Variants in UMODL1 observed in about 807,000 individuals in gnomAD.
The protein encoded by UMODL1 is uromodulin like 1.
Under a neutral mutation model 136.3 loss-of-function variants are expected in UMODL1, and 128 were observed. That is an observed-to-expected ratio of 0.94 (90% CI 0.81 to 1.09). The LOEUF (loss-of-function observed/expected upper bound fraction) is 1.09. Ranked by LOEUF, UMODL1 falls within the 50% of genes least tolerant of loss-of-function variation. The probability of loss-of-function intolerance (pLI) is 0.00; values close to 1 mark genes in which losing one functional copy is unlikely to be tolerated. For missense variants in UMODL1, 1,766 were observed against 1,725.6 expected (o/e 1.02, Z -0.41); for synonymous variants, 721 against 720.0 (o/e 1.00, Z -0.02).
chr21:42,071,395 G>C lies in UMODL1; in HGVS notation c.76+3G>C. The C allele has an allele frequency of 7.6e-6, 12 of 1,584,370 alleles. No individual in the cohort carries two copies. The highest frequency in any genetic ancestry group is 1.0e-5 in the Non-Finnish European group (12 of 1,166,048). Reference sequence around the variant, plus strand: ...AAGCCAGGCCAGCGGCTTCACAGGTGAGGGGTCTGGGCTTGGCATGGGCAG... The same window carrying C: ...AAGCCAGGCCAGCGGCTTCACAGGTCAGGGGTCTGGGCTTGGCATGGGCAG... On this transcript the variant is annotated splice_donor_region_variant and intron_variant, in intron 1 of 22. Coordinates refer to ENST00000408910, the MANE Select transcript of UMODL1 (RefSeq NM_001004416.3).
intron 9 of UMODL1, 148 bp downstream of exon 9, chr21:42,104,235 A>G: frequency 1.1e-6 from 1 of 882,604 alleles, no homozygotes; most frequent in Non-Finnish European, 1.7e-6. Flanking sequence ...ACCAGGGGCC[A>G]GGGCAGTAGC....
At chr21:42,075,548 T>C (rs563909579) in intron 1 of UMODL1, among the ~76,000 whole-genome samples, 2 of 152,318 alleles carry the variant, frequency 1.3e-5, no homozygotes, top group Admixed American at 6.5e-5. Context: ...TCACTTCCCA[T>C]GTGGCAACCT....
intron 2 of UMODL1, among the ~76,000 whole-genome samples, 160 bp from the exon 3 acceptor site, chr21:42,083,924 A>G (rs1045334745): frequency 6.6e-6 from 1 of 152,208 alleles, no homozygotes; most frequent in East Asian, 1.9e-4. Context: ...ATGGCCCTCC[A>G]ATGGGGTGGG....
chr21:42,138,832 C>T (rs1413000919), intron 22 of UMODL1, among the ~76,000 whole-genome samples: 4 of 152,200 alleles, frequency 2.6e-5, no homozygotes, highest in Non-Finnish European at 5.9e-5. Flanking sequence ...GTCTCGGCCT[C>T]TCAAAGTGCT....
At chr21:42,101,311 A>G (rs1218052912) in intron 7 of UMODL1, among the ~76,000 whole-genome samples, 3 of 152,054 alleles carry the variant, frequency 2.0e-5, no homozygotes, top group Non-Finnish European at 2.9e-5. Flanking sequence ...TGAGAATCGG[A>G]GGCCACATGG....
At chr21:42,139,177 AAAGAAG>A (rs1419452361) in intron 22 of UMODL1, among the ~76,000 whole-genome samples, 1 of 152,110 alleles carries the variant, frequency 6.6e-6, no homozygotes, top group Non-Finnish European at 1.5e-5. Flanking sequence ...AATACTAATA[AAAGAAG>A]AAGAGAAGCA....
In UMODL1 at chr21:42,104,099, C is replaced by A. The variant is rs758196983; in HGVS notation, c.1519+12C>A. 6.3e-7 allele frequency: 1 copy of A among 1,596,978 alleles called. No homozygotes were observed. Among genetic ancestry groups the A allele is most frequent in the East Asian group, 2.2e-5 (1 of 44,504 alleles). ...GACACGCGTGCAAGGTATGGCCCAG[C>A]CACCCGCCCTGCTGCCTGGTGTCCT... On this transcript the variant is annotated intron_variant, in intron 9 of 22. Transcript: ENST00000408910.
At chr21:42,133,680 A>T (rs1159727610) in intron 21 of UMODL1, among the ~76,000 whole-genome samples, 1 of 152,168 alleles carries the variant, frequency 6.6e-6, no homozygotes, top group Non-Finnish European at 1.5e-5. Context: ...TTTCTGCTGG[A>T]TGTGCCCAAT....
chr21:42,075,408 C>T (rs1405683995), intron 1 of UMODL1, among the ~76,000 whole-genome samples: 4 of 152,170 alleles, frequency 2.6e-5, no homozygotes, highest in Admixed American at 6.5e-5. Flanking sequence ...TGCCACAGAG[C>T]GACCGCACTC....
intron 13 of UMODL1, among the ~76,000 whole-genome samples, chr21:42,115,483 C>G (rs1341009555): frequency 6.6e-6 from 1 of 152,218 alleles, no homozygotes; most frequent in East Asian, 1.9e-4. Flanking sequence ...TGGGACAGCC[C>G]AGTTTGCACC....
Position 42,085,230 on chromosome 21 carries a change from G to A in UMODL1, c.482-61G>A. The A allele has an allele frequency of 1.3e-6, 2 of 1,579,222 alleles. No individual in the cohort carries two copies. On this transcript the variant is annotated intron_variant, in intron 3 of 22. Coordinates refer to ENST00000408910, the MANE Select transcript of UMODL1 (RefSeq NM_001004416.3). The surrounding 1 kb of genome is among the most constrained non-coding windows in gnomAD (Gnocchi z 4.5). ...CTCTCCTGCCCCCTCTCCCACCCCA[G>A]CAGCTTTTGTGACTTCAACCTGTCC...
chr21:42,096,939 CT>C (rs1472367685), intron 6 of UMODL1, among the ~76,000 whole-genome samples: 3 of 152,216 alleles, frequency 2.0e-5, no homozygotes, highest in Non-Finnish European at 2.9e-5. Context: ...AAGGAACAGA[CT>C]TTAAGAAGCC....
chr21:42,080,522 T>C (rs1174164331), intron 2 of UMODL1, among the ~76,000 whole-genome samples: 2 of 152,240 alleles, frequency 1.3e-5, no homozygotes, highest in Admixed American at 6.5e-5. Flanking sequence ...AACGGAAGCA[T>C]GGACACACAC....
In UMODL1 at chr21:42,115,904, CA is replaced by C. The variant is rs575876005; in HGVS notation, c.2399del (p.Asn800MetfsTer20). ...ARKLIGKVRI[K>X]NVRYSESFRN... Reference sequence around the variant, plus strand: ...GGAAGCTCATTGGAAAGGTCAGAATCAAAAATGTCAGGTACTCAGAATCCTT... The same window carrying C: ...GGAAGCTCATTGGAAAGGTCAGAATCAAAATGTCAGGTACTCAGAATCCTT... On this transcript the variant is annotated frameshift_variant, in exon 14 of 23. Coordinates refer to ENST00000408910, the MANE Select transcript of UMODL1 (RefSeq NM_001004416.3). LOFTEE classifies it high-confidence loss of function. The C allele has an allele frequency of 2.1e-5, 34 of 1,613,990 alleles. No individual in the cohort carries two copies. In the Admixed American group the frequency reaches 2.7e-4, roughly 13 times the overall value.
chr21:42,077,826 C>T (rs2066313325), intron 2 of UMODL1, among the ~76,000 whole-genome samples: 1 of 152,166 alleles, frequency 6.6e-6, no homozygotes, highest in South Asian at 2.1e-4. Flanking sequence ...CATTACAAGA[C>T]CAGGACAACA....
chr21:42,096,765 T>G (rs1001832088), intron 6 of UMODL1, among the ~76,000 whole-genome samples: 2 of 152,230 alleles, frequency 1.3e-5, no homozygotes, highest in Non-Finnish European at 2.9e-5. Flanking sequence ...CTTTCCTGTT[T>G]GCAGGGCGTT....
chr21:42,127,306 G>C (rs2067072390), intron 19 of UMODL1, 64 bp downstream of exon 19: 2 of 1,460,108 alleles, frequency 1.4e-6, no homozygotes, highest in East Asian at 2.3e-5. Context: ...ACAATAGGTA[G>C]GGCTCAAGAA....
At chr21:42,077,280 T>C (rs921339238) in intron 2 of UMODL1, among the ~76,000 whole-genome samples, 3 of 151,886 alleles carry the variant, frequency 2.0e-5, no homozygotes, top group African/African-American at 7.3e-5. Flanking sequence ...GGACCCATCC[T>C]TGTGGCCTGA....
Position 42,105,204 on chromosome 21 carries a change from C to T in UMODL1, c.1519+1117C>T, listed in dbSNP as rs113222782. ...GGGGATACTACAGTGGCCCCTGTAC[C>T]TGGTAAGATCCCACCTAGCTGGGCT... On this transcript the variant is annotated intron_variant, in intron 9 of 22. Coordinates refer to ENST00000408910, the MANE Select transcript of UMODL1 (RefSeq NM_001004416.3). Among the ~76,000 whole-genome samples the T allele has an allele frequency of 4.6e-3, 696 of 152,312 alleles. 4 individuals are homozygous for T. Among genetic ancestry groups the T allele is most frequent in the African/African-American group, 0.016 (659 of 41,560 alleles).
Sources: gnomAD v4.1 joint callset for allele counts (sites outside exome capture counted in the v4.1 genomes callset) on GRCh38, gnomAD v4.1.1 for gene constraint, Gnocchi (gnomAD v3.1) non-coding constraint, MANE v1.5 for transcripts, NCBI Gene and HGNC (gene_info 2026-07-23, HGNC 2026-07-21) for gene names.